EPB41: variants seen among roughly 807,000 people sequenced by gnomAD.
The protein encoded by EPB41 is erythrocyte membrane protein band 4.1, also known as protein 4.1.
In EPB41, 65 loss-of-function variants were observed where a neutral mutation model predicts 108.0. The ratio of observed to expected loss-of-function variants is 0.60; its 90% confidence interval spans 0.49 to 0.74. EPB41 has a LOEUF of 0.74. Among genes scored for constraint, EPB41 ranks in the 30% least tolerant of loss-of-function variants. The pLI is 0.00. For missense variants in EPB41, 875 were observed against 1,037.0 expected, an observed-to-expected ratio of 0.84 and a Z score of 2.15; for synonymous variants, 336 against 358.9, an observed-to-expected ratio of 0.94 and a Z score of 0.72.
rs139503478 is a variant in EPB41, at chr1:29,007,416, C to T, written c.787-4449C>T. Among the ~76,000 whole-genome samples the T allele has an allele frequency of 1.1e-3, 164 of 152,212 alleles. 1 individual carries two copies. Among genetic ancestry groups the T allele is most frequent in the African/African-American group, 3.7e-3 (153 of 41,536 alleles). ...GACATGTTCCTAGGTGTGAGACTGA[C>T]GGATTTTAGAGAAGGCATATGTTCA... On this transcript the variant is annotated intron_variant, in intron 4 of 20. Transcript: ENST00000343067.
At chr1:28,988,791 A>G (rs2095934617) in intron 2 of EPB41, among the ~76,000 whole-genome samples, 2 of 152,176 alleles carry the variant, frequency 1.3e-5, no homozygotes, top group South Asian at 4.1e-4. Flanking sequence ...GGCTCAAGTG[A>G]TCCTCCCACC....
rs865921964 is a variant in EPB41, at chr1:28,935,476, C to G, written c.-8+20708C>G. On this transcript the variant is annotated intron_variant, in intron 1 of 20. Transcript: ENST00000343067. ...ACACACACACACACACACCCCCCCCCCCCCAAGATCTACGCACTAACTGCT... is the reference window on the plus strand; with the variant it reads ...ACACACACACACACACACCCCCCCCGCCCCAAGATCTACGCACTAACTGCT... 8.5e-5 allele frequency among the ~76,000 whole-genome samples: 10 copies of G among 117,286 alleles called. 1 individual carries two copies. The highest frequency in any genetic ancestry group is 1.9e-4 in the Non-Finnish European group (10 of 53,202). 76.9% of individuals were successfully genotyped at this position (117,286 alleles called of 152,430 possible).
At position 29,119,597 on chromosome 1, in the gene EPB41, C is replaced by CA. The variant is rs1348558904; in HGVS notation, c.*2785_*2786insA. On this transcript the variant is annotated 3_prime_UTR_variant, in exon 21 of 21. Transcript: ENST00000343067. ...CCGTGACCCATCCCCGTCCCCACCC[C>CA]CCCCTCCACCGCTGGGCCCATCAGT... The CA allele has an allele frequency of 2.6e-5, 4 of 152,232 alleles. No individual in the cohort carries two copies. The highest frequency in any genetic ancestry group is 5.9e-5 in the Non-Finnish European group (4 of 68,072). The allele number at this position is 152,232 out of a possible 1,614,324, so 9.4% of individuals were successfully genotyped here.
intron 4 of EPB41, among the ~76,000 whole-genome samples, chr1:29,006,164 T>A (rs541901387): frequency 8.5e-5 from 13 of 152,338 alleles, no homozygotes; most frequent in Middle Eastern, 3.4e-3. Flanking sequence ...TATTATTCTC[T>A]ATTGCCTTAC....
At chr1:28,971,933 T>G (rs915863146) in intron 1 of EPB41, among the ~76,000 whole-genome samples, 1 of 151,990 alleles carries the variant, frequency 6.6e-6, no homozygotes, top group Non-Finnish European at 1.5e-5. Context: ...CAGGGTCTCA[T>G]TCTGTCACCC....
chr1:28,989,589 G>A (rs1265135913), intron 2 of EPB41, among the ~76,000 whole-genome samples: 1 of 152,158 alleles, frequency 6.6e-6, no homozygotes, highest in African/African-American at 2.4e-5. Flanking sequence ...TATATTCAAA[G>A]TGCTGAGGGT....
Position 29,103,438 on chromosome 1 carries a change from T to C in EPB41, c.2313+5503T>C, listed in dbSNP as rs1346517767. ...CTTAGGTCTTAATTCCGACATTTGCTAGTTTTGTGACCTTGGGCAAGTCCC... is the reference window on the plus strand; with the variant it reads ...CTTAGGTCTTAATTCCGACATTTGCCAGTTTTGTGACCTTGGGCAAGTCCC... On this transcript the variant is annotated intron_variant, in intron 17 of 20. Transcript: ENST00000343067. Among the ~76,000 whole-genome samples the C allele has an allele frequency of 2.0e-5, 3 of 152,344 alleles. No homozygotes were observed. The South Asian group carries it at 6.2e-4, about 32-fold the overall frequency.
At chr1:28,907,464 C>T (rs943133324) in intron 1 of EPB41, among the ~76,000 whole-genome samples, 1 of 152,074 alleles carries the variant, frequency 6.6e-6, no homozygotes, top group African/African-American at 2.4e-5. Flanking sequence ...TCCCAAAGCG[C>T]TGGGATTACA....
intron 4 of EPB41, among the ~76,000 whole-genome samples, chr1:29,011,122 C>CA (rs71022386): frequency 0.32 from 36,852 of 113,446 alleles, 6,470 homozygotes; most frequent in Non-Finnish European, 0.43. Flanking sequence ...GAAACTCTGT[C>CA]AAAAAAAAAA....
At chr1:28,927,110 A>T (rs2093488071) in intron 1 of EPB41, among the ~76,000 whole-genome samples, 1 of 152,162 alleles carries the variant, frequency 6.6e-6, no homozygotes, top group Non-Finnish European at 1.5e-5. Flanking sequence ...AAGGGGTTTG[A>T]GTTGGGAGGG....
intron 18 of EPB41, among the ~76,000 whole-genome samples, chr1:29,110,182 C>A (rs374020064): frequency 3.0e-4 from 44 of 145,256 alleles, no homozygotes; most frequent in Admixed American, 3.4e-4. Flanking sequence ...CAAAAAAATA[C>A]AAAAAAAAAA....
chr1:28,887,413 G>A lies in EPB41; in HGVS notation c.-8+203G>A. 1.0e-6 allele frequency: 1 copy of A among 985,404 alleles called. No individual in the cohort carries two copies. The allele number at this position is 985,404 out of a possible 1,614,324, so 61.0% of individuals were successfully genotyped here. The stretch of plus-strand genomic sequence containing the variant: ...GGAGTCTGGGCATCTTAAAGTTCAG[G>A]GTGCAGGGAGGGGCGTGGGAGTCTG... On this transcript the variant is annotated intron_variant, in intron 1 of 16. Transcript: ENST00000347529. The surrounding 1 kb of genome is among the most constrained non-coding windows in gnomAD (Gnocchi z 4.9).
chr1:28,967,544 G>T (rs767822112), intron 1 of EPB41, among the ~76,000 whole-genome samples: 4 of 152,134 alleles, frequency 2.6e-5, no homozygotes, highest in Admixed American at 6.6e-5. Context: ...TCAAGCTGTA[G>T]TATGAATTCG....
chr1:28,990,688 G>A (rs1285323785), intron 2 of EPB41, among the ~76,000 whole-genome samples: 1 of 151,948 alleles, frequency 6.6e-6, no homozygotes, highest in Non-Finnish European at 1.5e-5. Context: ...CAGAATGCTG[G>A]GATTACAGGC....
intron 15 of EPB41, among the ~76,000 whole-genome samples, chr1:29,061,033 A>G (rs1431899058): frequency 3.3e-5 from 5 of 152,150 alleles, no homozygotes; most frequent in Admixed American, 3.3e-4. Context: ...TCATAAAAAC[A>G]GGCCTGTGGG....
intron 17 of EPB41, among the ~76,000 whole-genome samples, chr1:29,108,200 G>A (rs1667882343): frequency 6.9e-6 from 1 of 145,380 alleles, no homozygotes; most frequent in African/African-American, 2.6e-5. Flanking sequence ...CCAGGCTGGA[G>A]TGCAATGTCG....
intron 12 of EPB41, among the ~76,000 whole-genome samples, chr1:29,056,022 G>A (rs1645346700): frequency 6.6e-6 from 1 of 150,624 alleles, no homozygotes; most frequent in Non-Finnish European, 1.5e-5. Context: ...GGATCACAAG[G>A]TCAGGAGATT....
At chr1:29,116,652 G>T (rs1445212771) in intron 20 of EPB41, among the ~76,000 whole-genome samples, 167 bp from the exon 21 acceptor site, 2 of 152,152 alleles carry the variant, frequency 1.3e-5, no homozygotes, top group Non-Finnish European at 2.9e-5. Context: ...ATGCCTAAAA[G>T]TAATTTTAAA....
intron 1 of EPB41, among the ~76,000 whole-genome samples, chr1:28,898,650 G>A (rs928690986): frequency 1.3e-5 from 2 of 152,180 alleles, no homozygotes; most frequent in Non-Finnish European, 2.9e-5. Context: ...GCCCGTTCTA[G>A]CCAAGAAAGG....
Sources: allele counts gnomAD v4.1 joint callset (sites outside exome capture counted in the v4.1 genomes callset), GRCh38; gene constraint gnomAD v4.1.1; non-coding constraint Gnocchi (gnomAD v3.1); transcripts MANE v1.5; gene names NCBI Gene and HGNC (gene_info 2026-07-23, HGNC 2026-07-21).